Variants in CDH8 observed in about 807,000 individuals in gnomAD.
CDH8 encodes the protein cadherin-8.
Under a neutral mutation model 68.1 loss-of-function variants are expected in CDH8, and 17 were observed. The ratio of observed to expected loss-of-function variants is 0.25; its 90% CI spans 0.17 to 0.37. The LOEUF is 0.37. Among genes scored for constraint, CDH8 ranks in the 10% least tolerant of loss-of-function variants. The probability of loss-of-function intolerance (pLI) is 1.00; values close to 1 mark genes in which losing one functional copy is unlikely to be tolerated. For synonymous variants in CDH8, 372 were observed against 365.1 expected (o/e 1.02, Z -0.21); for missense variants, 763 against 999.3 (o/e 0.76, Z 3.19).
At chr16:61,990,212 G>C (rs1444406528) in intron 2 of CDH8, among the ~76,000 whole-genome samples, 2 of 149,326 alleles carry the variant, frequency 1.3e-5, no homozygotes, top group Admixed American at 1.3e-4. Context: ...TATTATAACA[G>C]ATTAGAGAAA....
At chr16:61,963,701 G>A (rs1965197293) in intron 2 of CDH8, among the ~76,000 whole-genome samples, 1 of 152,170 alleles carries the variant, frequency 6.6e-6, no homozygotes, top group East Asian at 1.9e-4. Context: ...ACTTTCTAAA[G>A]TCTTTCTCAA....
chr16:62,021,838 G>A (rs544477524), intron 1 of CDH8, among the ~76,000 whole-genome samples: 20 of 152,180 alleles, frequency 1.3e-4, no homozygotes, highest in East Asian at 3.9e-4. Flanking sequence ...ACTGGTTTGC[G>A]TAATAGAAGT....
intron 4 of CDH8, among the ~76,000 whole-genome samples, chr16:61,826,932 C>T (rs746277542): frequency 3.3e-5 from 5 of 151,840 alleles, no homozygotes; most frequent in South Asian, 2.1e-4. Context: ...CAATGCAATG[C>T]TTTGTTTCAG....
At chr16:61,738,036 A>G (rs1250607595) in intron 8 of CDH8, among the ~76,000 whole-genome samples, 1 of 152,154 alleles carries the variant, frequency 6.6e-6, no homozygotes, top group African/African-American at 2.4e-5. Flanking sequence ...TTTAGTGTCT[A>G]ATGAACAAAG....
chr16:61,682,622 C>T (rs561317642), intron 10 of CDH8, among the ~76,000 whole-genome samples: 2 of 151,460 alleles, frequency 1.3e-5, no homozygotes, highest in East Asian at 3.9e-4. Flanking sequence ...AATTATTACT[C>T]TTGTCCTTCA....
intron 1 of CDH8, among the ~76,000 whole-genome samples, chr16:62,022,377 C>G (rs1420032087): frequency 6.6e-6 from 1 of 152,014 alleles, no homozygotes; most frequent in Non-Finnish European, 1.5e-5. Context: ...TACAGTTAAA[C>G]AGGAGATTTA....
At chr16:61,884,867 G>A (rs1335036219) in intron 3 of CDH8, among the ~76,000 whole-genome samples, 3 of 152,066 alleles carry the variant, frequency 2.0e-5, no homozygotes, top group East Asian at 1.9e-4. Context: ...ATTCAACTCT[G>A]CAAGGGGTTA....
chr16:61,761,808 GC>G (rs1475209683), intron 8 of CDH8, among the ~76,000 whole-genome samples: 1 of 152,012 alleles, frequency 6.6e-6, no homozygotes, highest in East Asian at 1.9e-4. Context: ...TTAAAGACCA[GC>G]CCGGGCAATA....
At chr16:61,823,636 C>T (rs965798415) in intron 5 of CDH8, among the ~76,000 whole-genome samples, 11 of 151,980 alleles carry the variant, frequency 7.2e-5, no homozygotes, top group East Asian at 2.0e-4. Context: ...TTTTCAGTTT[C>T]GCTGGAACCA....
intron 2 of CDH8, among the ~76,000 whole-genome samples, chr16:61,914,856 C>A (rs1177680973): frequency 6.6e-6 from 1 of 152,044 alleles, no homozygotes; most frequent in Non-Finnish European, 1.5e-5. Context: ...GAAACGCAAC[C>A]CAGTCAGACA....
At chr16:61,871,005 C>T (rs998669717) in intron 3 of CDH8, among the ~76,000 whole-genome samples, 1 of 151,974 alleles carries the variant, frequency 6.6e-6, no homozygotes, top group Non-Finnish European at 1.5e-5. Flanking sequence ...AGAGGATAGG[C>T]ATAAATAGGT....
At chr16:61,688,618 C>T (rs191152965) in intron 10 of CDH8, among the ~76,000 whole-genome samples, 3 of 151,940 alleles carry the variant, frequency 2.0e-5, no homozygotes, top group African/African-American at 7.2e-5. Flanking sequence ...TGCAGAATTA[C>T]CCCACTGAGA....
rs145734135 is a variant in CDH8, at chr16:61,846,658, C to T, written c.667+10461G>A. ...GGTACTTCTCAGAAATTAATTTGCC[C>T]AGAGATTTTATTTCCTTACATGAAA... On this transcript the variant is annotated intron_variant, in intron 4 of 11. Transcript: ENST00000577390. 1.7e-4 allele frequency among the ~76,000 whole-genome samples: 26 copies of T among 152,114 alleles called. No homozygotes were observed. In the East Asian group the frequency reaches 5.0e-3, roughly 30 times the overall value.
At chr16:61,958,754 C>G (rs561619191) in intron 2 of CDH8, among the ~76,000 whole-genome samples, 11 of 152,292 alleles carry the variant, frequency 7.2e-5, no homozygotes, top group African/African-American at 2.6e-4. Flanking sequence ...TTGTCACACT[C>G]TTGAAAACAT....
chr16:61,922,183 T>A (rs1964380662), intron 2 of CDH8, among the ~76,000 whole-genome samples: 1 of 152,200 alleles, frequency 6.6e-6, no homozygotes, highest in Non-Finnish European at 1.5e-5. Context: ...TTCCTAATCA[T>A]AGGACAGAAA....
Position 61,652,474 on chromosome 16 carries a change from T to C in CDH8, c.*1134A>G. 1 of 990,584 alleles carries C rather than the reference T, an allele frequency of 1.0e-6. No individual in the cohort carries two copies. The highest frequency in any genetic ancestry group is 1.2e-6 in the Non-Finnish European group (1 of 833,320). 61.4% of individuals were successfully genotyped at this position (990,584 alleles called of 1,614,324 possible). On this transcript the variant is annotated 3_prime_UTR_variant, in exon 12 of 12. Transcript: ENST00000577390. ...CCAAATACTAGGATTATGAACAAAA[T>C]AGAAAACAGTCCAAAAGTTTGTCTG...
Position 61,654,104 on chromosome 16 carries a change from A to G in CDH8, c.1907-3T>C. 1 of 1,606,856 alleles carries G rather than the reference A, an allele frequency of 6.2e-7. No individual in the cohort carries two copies. ...AGTTACAAACAGCACCACGATGACT[A>G]GAGGAAAAATATTAAATAACAGTCA... On this transcript the variant is annotated splice_polypyrimidine_tract_variant and splice_region_variant and intron_variant, in intron 11 of 11. Transcript: ENST00000577390.
At chr16:62,021,959 T>C (rs908455997) in intron 1 of CDH8, among the ~76,000 whole-genome samples, 1 of 152,136 alleles carries the variant, frequency 6.6e-6, no homozygotes, top group Admixed American at 6.6e-5. Flanking sequence ...TCTTCCATTC[T>C]TTTTTGTTTT....
chr16:61,697,479 C>T (rs1257009295), intron 10 of CDH8, among the ~76,000 whole-genome samples: 1 of 146,390 alleles, frequency 6.8e-6, no homozygotes, highest in Non-Finnish European at 1.5e-5. Flanking sequence ...GCAGTCAGAA[C>T]TACACTTTTG....
Sources: allele counts gnomAD v4.1 joint callset (sites outside exome capture counted in the v4.1 genomes callset), GRCh38; gene constraint gnomAD v4.1.1; transcripts MANE v1.5; gene names NCBI Gene and HGNC (gene_info 2026-07-23, HGNC 2026-07-21).